ZFR: variants seen among roughly 807,000 people sequenced by gnomAD.
ZFR encodes zinc finger RNA-binding protein.
In ZFR, 19 loss-of-function variants were observed where a neutral mutation model predicts 130.7. The ratio of observed to expected loss-of-function variants is 0.15; its 90% CI spans 0.10 to 0.21. The LOEUF is 0.21. Among genes scored for constraint, ZFR ranks in the 10% least tolerant of loss-of-function variants. The probability of loss-of-function intolerance (pLI) is 1.00; values close to 1 mark genes in which losing one functional copy is unlikely to be tolerated. For synonymous variants in ZFR, 466 were observed against 456.9 expected, an observed-to-expected ratio of 1.02 and a Z score of -0.25; for missense variants, 872 against 1,321.5, an observed-to-expected ratio of 0.66 and a Z score of 5.27.
chr5:32,429,187 C>T (rs1211276798), intron 2 of ZFR, among the ~76,000 whole-genome samples: 8 of 151,956 alleles, frequency 5.3e-5, no homozygotes, highest in East Asian at 1.9e-4. Flanking sequence ...GGGGTTTCAC[C>T]GTGTTAGCCA....
chr5:32,402,047 A>AG (rs1441059010), intron 8 of ZFR, among the ~76,000 whole-genome samples: 1 of 152,236 alleles, frequency 6.6e-6, no homozygotes, highest in East Asian at 1.9e-4. Context: ...AAAGATGTCC[A>AG]GGGAATATTT....
chr5:32,401,483 C>T lies in ZFR; in HGVS notation c.1517-1280G>A, dbSNP rs551517356. 7.0e-4 allele frequency among the ~76,000 whole-genome samples: 107 copies of T among 151,982 alleles called. 1 individual carries two copies. The South Asian group carries it at 7.5e-3, about 11-fold the overall frequency. ...GAACTGGTCAGAAAGAAAAGAATGA[C>T]GTTTAAAAAGAAAAAAATAGCATGT... is the stretch of plus-strand genomic sequence containing the variant. On this transcript the variant is annotated intron_variant, in intron 8 of 19. Transcript: ENST00000265069.
Position 32,432,246 on chromosome 5 carries a change from A to G in ZFR, c.137+11983T>C, listed in dbSNP as rs1186813077. 3.3e-5 allele frequency among the ~76,000 whole-genome samples: 5 copies of G among 152,264 alleles called. No homozygotes were observed. In the East Asian group the frequency reaches 9.6e-4, roughly 29 times the overall value. ...TGATTGCGCCACTGCAAGTTTGTGC[A>G]TCAAAGTTGAACAGTTAGTTGTATT... On this transcript the variant is annotated intron_variant, in intron 2 of 19. Coordinates refer to ENST00000265069, the MANE Select transcript of ZFR (RefSeq NM_016107.5).
chr5:32,375,046 G>A (rs964362612), intron 17 of ZFR, among the ~76,000 whole-genome samples: 2 of 152,108 alleles, frequency 1.3e-5, no homozygotes, highest in African/African-American at 2.4e-5. Context: ...TTTGTTTCAC[G>A]TCACTGAGAA....
At chr5:32,427,450 C>T (rs1445946697) in intron 2 of ZFR, among the ~76,000 whole-genome samples, 1 of 146,146 alleles carries the variant, frequency 6.8e-6, no homozygotes, top group Non-Finnish European at 1.5e-5. Context: ...AGGTGAAAAA[C>T]GTGTGTATTA....
At chr5:32,419,524 G>A (rs1443065310) in intron 3 of ZFR, among the ~76,000 whole-genome samples, 5 of 152,150 alleles carry the variant, frequency 3.3e-5, no homozygotes, top group Admixed American at 6.5e-5. Context: ...TTTTAGCAGA[G>A]ACGGGGTTTC....
At chr5:32,419,761 T>C (rs2111823237) in intron 3 of ZFR, 60 bp downstream of exon 3, 1 of 1,525,100 alleles carries the variant, frequency 6.6e-7, no homozygotes, top group South Asian at 1.3e-5. Context: ...GGCATTACAT[T>C]ATACACTGAA....
In ZFR at chr5:32,400,116, ACAG is replaced by A. The variant is rs749212848; in HGVS notation, c.1601_1603del (p.Ala534del). 11 of 1,613,622 alleles carry A rather than the reference ACAG, an allele frequency of 6.8e-6. No homozygotes were observed. Among genetic ancestry groups the A allele is most frequent in the East Asian group, 2.2e-5 (1 of 44,896 alleles). The stretch of plus-strand genomic sequence containing the variant: ...GTCTTGCTTTACTTCAGGAATCTGC[ACAG>A]CAGAAGTGACAGGAGTACTTTTAAC... On this transcript the variant is annotated inframe_deletion, in exon 9 of 20. Coordinates refer to ENST00000265069, the MANE Select transcript of ZFR (RefSeq NM_016107.5).
chr5:32,409,943 A>T (rs1753662279), intron 5 of ZFR, among the ~76,000 whole-genome samples: 2 of 152,172 alleles, frequency 1.3e-5, no homozygotes, highest in Admixed American at 1.3e-4. Flanking sequence ...ACTACACTCC[A>T]GCCTGGGTGA....
chr5:32,443,958 C>T (rs953780288), intron 2 of ZFR, among the ~76,000 whole-genome samples: 1 of 151,984 alleles, frequency 6.6e-6, no homozygotes, highest in African/African-American at 2.4e-5. Context: ...TAAGGGGCCG[C>T]TGAAGGGCCC....
chr5:32,444,237 G>GGCCGCA lies in ZFR; in HGVS notation c.123_128dup (p.Ala42_Ala43dup). The GGCCGCA allele has an allele frequency of 1.3e-6, 2 of 1,588,698 alleles. No individual in the cohort carries two copies. The highest frequency in any genetic ancestry group is 1.7e-6 in the Non-Finnish European group (2 of 1,169,134). ...AGGCAGGATGCCGTTACCTATATTG[G>GGCCGCA]GCCGCAGCCGCCGCCGCCGCCGCCC... On this transcript the variant is annotated inframe_insertion, in exon 2 of 20. Transcript: ENST00000265069.
chr5:32,371,127 C>T (rs10075910), intron 17 of ZFR, among the ~76,000 whole-genome samples: 95,033 of 152,046 alleles, frequency 0.63, 30,122 homozygotes, highest in African/African-American at 0.72. Context: ...CCCAGCACTT[C>T]GGAAGACCGT....
At chr5:32,360,327 TC>T (rs1158681531) in intron 19 of ZFR, among the ~76,000 whole-genome samples, 2 of 152,218 alleles carry the variant, frequency 1.3e-5, no homozygotes, top group Admixed American at 6.5e-5. Flanking sequence ...TATTATCTTA[TC>T]CTAGAACATT....
At chr5:32,365,835 T>C (rs1353138901) in intron 17 of ZFR, among the ~76,000 whole-genome samples, 1 of 152,128 alleles carries the variant, frequency 6.6e-6, no homozygotes, top group Non-Finnish European at 1.5e-5. Flanking sequence ...CCTGGACTCA[T>C]GTAAACCAAC....
intron 2 of ZFR, among the ~76,000 whole-genome samples, chr5:32,429,802 C>T (rs1754162336): frequency 6.6e-6 from 1 of 151,934 alleles, no homozygotes; most frequent in Admixed American, 6.5e-5. Flanking sequence ...GGCGCAGTAG[C>T]TCATGCTTGT....
chr5:32,416,588 T>C (rs1581707083), intron 4 of ZFR, among the ~76,000 whole-genome samples: 1 of 124,466 alleles, frequency 8.0e-6, no homozygotes, highest in South Asian at 2.5e-4. Flanking sequence ...CACTCCAGCC[T>C]GGGCGACAAG....
intron 8 of ZFR, among the ~76,000 whole-genome samples, chr5:32,402,820 CT>C (rs1395896486): frequency 6.6e-6 from 1 of 150,784 alleles, no homozygotes; most frequent in Non-Finnish European, 1.5e-5. Flanking sequence ...ATCAGGTTAC[CT>C]TAAGATTAGA....
At chr5:32,392,094 T>C (rs549769558) in intron 11 of ZFR, among the ~76,000 whole-genome samples, 8 of 152,352 alleles carry the variant, frequency 5.3e-5, no homozygotes, top group African/African-American at 1.9e-4. Context: ...CTATCTATGT[T>C]ATTTAGGCTT....
chr5:32,390,657 A>C (rs1348088417), intron 11 of ZFR, among the ~76,000 whole-genome samples: 2 of 152,192 alleles, frequency 1.3e-5, no homozygotes, highest in Non-Finnish European at 2.9e-5. Context: ...GGAAAAAGTA[A>C]AAAGAACAGG....
Sources: allele counts gnomAD v4.1 joint callset (sites outside exome capture counted in the v4.1 genomes callset), GRCh38; gene constraint gnomAD v4.1.1; transcripts MANE v1.5; gene names NCBI Gene and HGNC (gene_info 2026-07-23, HGNC 2026-07-21).